The following ACVR2A variants were observed in gnomAD, a reference collection of about 807,000 sequenced individuals.
The protein encoded by ACVR2A is activin A receptor type 2A.
ACVR2A carries 7 observed loss-of-function variants against 61.4 expected under a neutral mutation model. The ratio of observed to expected loss-of-function variants is 0.11; its 90% confidence interval spans 0.06 to 0.21. The LOEUF is 0.21. Among genes scored for constraint, ACVR2A ranks in the 10% least tolerant of loss-of-function variants. The pLI is 1.00. For synonymous variants in ACVR2A, 193 were observed against 208.3 expected, an observed-to-expected ratio of 0.93 and a Z score of 0.63; for missense variants, 322 against 621.7, an observed-to-expected ratio of 0.52 and a Z score of 5.13.
intron 1 of ACVR2A, among the ~76,000 whole-genome samples, chr2:147,871,969 C>A (rs896926995): frequency 6.6e-6 from 1 of 151,980 alleles, no homozygotes; most frequent in Non-Finnish European, 1.5e-5. Flanking sequence ...GAATGCCTAC[C>A]GTATTACAGA....
intron 4 of ACVR2A, among the ~76,000 whole-genome samples, chr2:147,907,054 T>G (rs1687004396): frequency 6.6e-6 from 1 of 152,086 alleles, no homozygotes; most frequent in South Asian, 2.1e-4. Flanking sequence ...TGTGTTCTCA[T>G]TGTTCTACTC....
At chr2:147,873,080 G>T (rs1686063470) in intron 1 of ACVR2A, among the ~76,000 whole-genome samples, 1 of 151,780 alleles carries the variant, frequency 6.6e-6, no homozygotes, top group South Asian at 2.1e-4. Context: ...TTTTTTAATT[G>T]GATGAACTAG....
intron 1 of ACVR2A, among the ~76,000 whole-genome samples, chr2:147,848,041 A>G (rs1685357011): frequency 6.6e-6 from 1 of 152,140 alleles, no homozygotes; most frequent in African/African-American, 2.4e-5. Flanking sequence ...GAAATATGGT[A>G]ATTATGTTTT....
intron 4 of ACVR2A, among the ~76,000 whole-genome samples, chr2:147,904,932 A>T (rs2105200491): frequency 6.6e-6 from 1 of 152,146 alleles, no homozygotes; most frequent in East Asian, 1.9e-4. Context: ...CATTCATAGA[A>T]ACATGTCTTG....
At chr2:147,917,472 G>C (rs1280555756) in intron 6 of ACVR2A, 46 bp downstream of exon 6, 3 of 1,597,478 alleles carry the variant, frequency 1.9e-6, no homozygotes, top group South Asian at 1.1e-5. Flanking sequence ...GAGTTGGCCT[G>C]CCTACCTAAT....
At chr2:147,865,912 C>T (rs1056849527) in intron 1 of ACVR2A, among the ~76,000 whole-genome samples, 1 of 152,104 alleles carries the variant, frequency 6.6e-6, no homozygotes, top group African/African-American at 2.4e-5. Context: ...CCTACAGGGA[C>T]ACTTGAGGTG....
intron 5 of ACVR2A, among the ~76,000 whole-genome samples, chr2:147,916,336 G>A (rs1489435502): frequency 6.6e-6 from 1 of 151,782 alleles, no homozygotes; most frequent in Non-Finnish European, 1.5e-5. Flanking sequence ...TCAGAGAAAG[G>A]CATTTGGATG....
At chr2:147,845,356 C>CCCCA (rs1553483274) in intron 1 of ACVR2A, 149 bp downstream of exon 1, 4 of 534,156 alleles carry the variant, frequency 7.5e-6, no homozygotes, top group South Asian at 5.1e-5. Flanking sequence ...CCGCCCCCCC[C>CCCCA]CCCCGCCCCC....
At chr2:147,918,425 C>G (rs758172425) in intron 6 of ACVR2A, 22 bp from the exon 7 acceptor site, 23 of 1,592,886 alleles carry the variant, frequency 1.4e-5, no homozygotes, top group Non-Finnish European at 1.8e-5. Context: ...ACATAAGTTT[C>G]TTTTTTTCCC....
intron 4 of ACVR2A, chr2:147,903,061 A>T (rs1686908129): frequency 6.6e-6 from 1 of 151,832 alleles, no homozygotes; most frequent in African/African-American, 2.4e-5. Context: ...TAGGTGAGGG[A>T]TTCTTTATGA....
At position 147,927,403 on chromosome 2, in the gene ACVR2A, A is replaced by G; in HGVS notation, c.*129A>G. 2 of 921,854 alleles carry G rather than the reference A, an allele frequency of 2.2e-6. No individual in the cohort carries two copies. Among genetic ancestry groups the G allele is most frequent in the Non-Finnish European group, 3.1e-6 (2 of 642,646 alleles). The allele number at this position is 921,854 out of a possible 1,614,324, so 57.1% of individuals were successfully genotyped here. On this transcript the variant is annotated 3_prime_UTR_variant, in exon 11 of 11. Transcript: ENST00000241416. ...TCTCTTGGAAATGTTAAGAAAGAAG[A>G]CCCTTTGTTGAAAAATGTTGCTCTG...
chr2:147,881,684 A>G (rs1686306518), intron 1 of ACVR2A, among the ~76,000 whole-genome samples: 1 of 148,128 alleles, frequency 6.8e-6, no homozygotes, highest in Non-Finnish European at 1.5e-5. Context: ...TTAGATTGAC[A>G]GGGCCTAAAA....
At chr2:147,914,477 T>TA (rs1225409903) in intron 4 of ACVR2A, among the ~76,000 whole-genome samples, 2 of 152,054 alleles carry the variant, frequency 1.3e-5, no homozygotes, top group Non-Finnish European at 2.9e-5. Flanking sequence ...CATATCCTGT[T>TA]ATCTACTATG....
chr2:147,907,584 G>A (rs1687017153), intron 4 of ACVR2A, among the ~76,000 whole-genome samples: 1 of 152,282 alleles, frequency 6.6e-6, no homozygotes, highest in African/African-American at 2.4e-5. Context: ...CCGTTTTATA[G>A]ATAAGAAAAT....
At chr2:147,867,884 C>G (rs1685904947) in intron 1 of ACVR2A, among the ~76,000 whole-genome samples, 1 of 152,128 alleles carries the variant, frequency 6.6e-6, no homozygotes, top group African/African-American at 2.4e-5. Flanking sequence ...CTTTACTACC[C>G]TTGTGCCTTG....
chr2:147,914,472 C>T lies in ACVR2A; in HGVS notation c.529-719C>T, dbSNP rs549270977. Among the ~76,000 whole-genome samples, 8 of 152,096 alleles carry T rather than the reference C, an allele frequency of 5.3e-5. No individual in the cohort carries two copies. The South Asian group carries it at 1.7e-3, about 32-fold the overall frequency. On this transcript the variant is annotated intron_variant, in intron 4 of 10. Transcript: ENST00000241416. ...TGCACGTTTCTTTCATTTACCATATCCTGTTATCTACTATGATGACCACTT... is the reference window on the plus strand; with the variant it reads ...TGCACGTTTCTTTCATTTACCATATTCTGTTATCTACTATGATGACCACTT...
At chr2:147,878,288 T>G (rs1407792874) in intron 1 of ACVR2A, among the ~76,000 whole-genome samples, 1 of 152,036 alleles carries the variant, frequency 6.6e-6, no homozygotes, top group African/African-American at 2.4e-5. Context: ...AACAAAAACA[T>G]GTGTGTGAAT....
chr2:147,863,775 T>C (rs528012078), intron 1 of ACVR2A, among the ~76,000 whole-genome samples: 1 of 152,318 alleles, frequency 6.6e-6, no homozygotes, highest in South Asian at 2.1e-4. Context: ...GGGTCAGCTG[T>C]AATTGTCCAT....
In ACVR2A at chr2:147,848,329, A is replaced by G. The variant is rs557247643; in HGVS notation, c.55+3122A>G. On this transcript the variant is annotated intron_variant, in intron 1 of 10. Transcript: ENST00000241416. ...TTTTTCCTGTTTATGATCTAAGCCA[A>G]CAGTTCTCAAGCTGGGGTGAGTCCC... 2.0e-5 allele frequency among the ~76,000 whole-genome samples: 3 copies of G among 152,274 alleles called. No homozygotes were observed. In the South Asian group the frequency reaches 6.2e-4, roughly 32 times the overall value.
Sources: gnomAD v4.1 joint callset for allele counts (sites outside exome capture counted in the v4.1 genomes callset) on GRCh38, gnomAD v4.1.1 for gene constraint, MANE v1.5 for transcripts, NCBI Gene and HGNC (gene_info 2026-07-23, HGNC 2026-07-21) for gene names.